Variants in LEPR observed in about 807,000 individuals in gnomAD.
LEPR encodes the protein leptin receptor, also known as OB receptor.
LEPR carries 56 observed loss-of-function variants against 114.7 expected under a neutral mutation model. The observed-to-expected ratio is 0.49, with a 90% CI of 0.39 to 0.61. The LOEUF (loss-of-function observed/expected upper bound fraction) is 0.61. Ranked by LOEUF, LEPR falls within the 20% of genes least tolerant of loss-of-function variation. LEPR has a pLI of 0.00. For synonymous variants in LEPR, 443 were observed against 461.4 expected (o/e 0.96, Z 0.51); for missense variants, 1,202 against 1,352.9 (o/e 0.89, Z 1.75).
At chr1:65,477,591 A>T (rs1004496632) in intron 2 of LEPR, among the ~76,000 whole-genome samples, 1 of 152,220 alleles carries the variant, frequency 6.6e-6, no homozygotes, top group East Asian at 1.9e-4. Flanking sequence ...GGCACTTGCA[A>T]CACCAAAGGA....
chr1:65,583,363 A>G (rs1409818553), intron 5 of LEPR, among the ~76,000 whole-genome samples: 3 of 152,190 alleles, frequency 2.0e-5, no homozygotes, highest in Non-Finnish European at 2.9e-5. Flanking sequence ...AACTTCTAGT[A>G]AGAGAACAGT....
Position 65,616,079 on chromosome 1 carries a change from A to G in LEPR, c.2067A>G (p.Gly689=), listed in dbSNP as rs1358873065. 1.2e-6 allele frequency: 2 copies of G among 1,614,206 alleles called. No individual in the cohort carries two copies. The highest frequency in any genetic ancestry group is 1.7e-6 in the Non-Finnish European group (2 of 1,180,022). ...TAAACCATCATACTTCCTGCAATGG[A>G]ACATGGTCAGAAGATGTGGGAAATC... ...YVINHHTSCN[G]TWSEDVGNHT... Residue 689 remains glycine (G), a synonymous_variant, in exon 15 of 20, where the codon GGA becomes GGG. Coordinates refer to ENST00000349533, the MANE Select transcript of LEPR (RefSeq NM_002303.6).
intron 2 of LEPR, among the ~76,000 whole-genome samples, chr1:65,493,414 T>C (rs911491951): frequency 6.6e-6 from 1 of 152,116 alleles, no homozygotes; most frequent in African/African-American, 2.4e-5. Context: ...GTCTTGCTTT[T>C]GCTCCATATT....
At chr1:65,490,893 A>T (rs140183340) in intron 2 of LEPR, among the ~76,000 whole-genome samples, 305 of 152,258 alleles carry the variant, frequency 2.0e-3, no homozygotes, top group African/African-American at 7.2e-3. Context: ...AAGGAGAAAG[A>T]ACTGTGACTA....
chr1:65,521,481 G>C (rs11208662), intron 2 of LEPR, among the ~76,000 whole-genome samples: 18,710 of 152,062 alleles, frequency 0.12, 1,442 homozygotes, highest in South Asian at 0.29. Flanking sequence ...TGTAATTGGG[G>C]ACTGCAGCCT....
intron 2 of LEPR, among the ~76,000 whole-genome samples, chr1:65,458,826 T>G (rs752606523): frequency 2.0e-5 from 3 of 152,222 alleles, no homozygotes; most frequent in Non-Finnish European, 4.4e-5. Context: ...ATACCTTTAT[T>G]ATCCTTCTGT....
intron 2 of LEPR, among the ~76,000 whole-genome samples, chr1:65,506,701 ATATGATAT>A: frequency 1.3e-5 from 2 of 152,314 alleles, no homozygotes; most frequent in East Asian, 3.9e-4. Context: ...TGGGGGTACA[ATATGATAT>A]TCTGATACAT....
At chr1:65,552,083 A>T (rs952986599) in intron 2 of LEPR, among the ~76,000 whole-genome samples, 1 of 152,078 alleles carries the variant, frequency 6.6e-6, no homozygotes, top group African/African-American at 2.4e-5. Context: ...GTTTGTTATG[A>T]TTTCTGTTCT....
At chr1:65,520,498 C>G (rs1314690798) in intron 2 of LEPR, among the ~76,000 whole-genome samples, 4 of 152,184 alleles carry the variant, frequency 2.6e-5, no homozygotes, top group Non-Finnish European at 1.5e-5. Context: ...TAGTAATTCT[C>G]AATCCCTGAA....
At chr1:65,618,905 T>C (rs897605686) in intron 16 of LEPR, among the ~76,000 whole-genome samples, 1 of 152,184 alleles carries the variant, frequency 6.6e-6, no homozygotes, top group African/African-American at 2.4e-5. Flanking sequence ...TACCAACTTA[T>C]AATGCCACTA....
chr1:65,492,591 G>T (rs17127677), intron 2 of LEPR, among the ~76,000 whole-genome samples: 24,416 of 151,966 alleles, frequency 0.16, 2,158 homozygotes, highest in Middle Eastern at 0.3. Context: ...CTAGTTTTAT[G>T]TAATGCTTCA....
Position 65,633,099 on chromosome 1 carries a change from TGTGA to T in LEPR, c.2674-3087_2674-3084del. 8.2e-7 allele frequency: 1 copy of T among 1,225,062 alleles called. No homozygotes were observed. Among genetic ancestry groups the T allele is most frequent in the South Asian group, 1.2e-5 (1 of 82,326 alleles). The allele number at this position is 1,225,062 out of a possible 1,614,324, so 75.9% of individuals were successfully genotyped here. On this transcript the variant is annotated intron_variant, in intron 19 of 19. Transcript: ENST00000349533. This position sits in a 1 kb window ranked among gnomAD's most constrained non-coding sequence, Gnocchi z 4.1. ...TTTTGAAATCTTTTATCTTTTTCTT[TGTGA>T]GTGATTTTTTATTTTGCTTTCTTAT...
At chr1:65,469,517 G>A (rs1336607114) in intron 2 of LEPR, among the ~76,000 whole-genome samples, 2 of 152,070 alleles carry the variant, frequency 1.3e-5, no homozygotes, top group Non-Finnish European at 2.9e-5. Context: ...CTAAATACTC[G>A]GGTTCTCTTG....
chr1:65,470,253 C>T (rs1007867878), intron 2 of LEPR, among the ~76,000 whole-genome samples: 2 of 152,220 alleles, frequency 1.3e-5, no homozygotes, highest in Admixed American at 6.5e-5. Context: ...TCCTACCTCA[C>T]CACCATCACC....
chr1:65,507,622 C>A (rs1486801523), intron 2 of LEPR, among the ~76,000 whole-genome samples: 1 of 151,048 alleles, frequency 6.6e-6, no homozygotes, highest in East Asian at 1.9e-4. Flanking sequence ...CATATCTTGG[C>A]TACTGTGAAT....
intron 1 of LEPR, among the ~76,000 whole-genome samples, chr1:65,421,890 A>G (rs956104326): frequency 6.6e-6 from 1 of 152,218 alleles, no homozygotes; most frequent in East Asian, 1.9e-4. Flanking sequence ...CTGAAATGGA[A>G]ACGGACTAAG....
At chr1:65,439,294 GT>G (rs760275063) in intron 2 of LEPR, among the ~76,000 whole-genome samples, 1 of 152,024 alleles carries the variant, frequency 6.6e-6, no homozygotes, top group Non-Finnish European at 1.5e-5. Context: ...TTATTACAAA[GT>G]TATACATTAG....
intron 2 of LEPR, among the ~76,000 whole-genome samples, chr1:65,541,066 G>T (rs1428889552): frequency 2.0e-5 from 3 of 152,056 alleles, no homozygotes; most frequent in Non-Finnish European, 2.9e-5. Context: ...CAAGTGATCC[G>T]CCTGCCTTGG....
At chr1:65,634,619 T>G in intron 19 of LEPR, 2 of 964,456 alleles carry the variant, frequency 2.1e-6, no homozygotes, top group Non-Finnish European at 2.5e-6. Flanking sequence ...CTTTCAACAG[T>G]TACTGAGTAT....
Sources: gnomAD v4.1 joint callset for allele counts (sites outside exome capture counted in the v4.1 genomes callset) on GRCh38, gnomAD v4.1.1 for gene constraint, Gnocchi (gnomAD v3.1) non-coding constraint, MANE v1.5 for transcripts, NCBI Gene and HGNC (gene_info 2026-07-23, HGNC 2026-07-21) for gene names.